The following REDIC1 variants were observed in gnomAD, a reference collection of about 807,000 sequenced individuals.
The protein encoded by REDIC1 is regulator of DNA class I crossover intermediates 1, also known as HEI10 Interacting Protein 1.
At chr12:39,828,414 A>T in the REDIC1 span, among the ~76,000 whole-genome samples, 1 of 152,118 alleles carries the variant, frequency 6.6e-6, no homozygotes, top group Non-Finnish European at 1.5e-5. Flanking sequence ...TAAAAATACA[A>T]ATAAAATGTA....
chr12:39,886,449 A>T, the REDIC1 span, among the ~76,000 whole-genome samples: 1 of 152,156 alleles, frequency 6.6e-6, no homozygotes, highest in Non-Finnish European at 1.5e-5. Context: ...ATGAAGTGTG[A>T]TCTGAAGAAG....
the REDIC1 span, among the ~76,000 whole-genome samples, chr12:39,812,363 TTTTCTTTTCTTTTCTTTTC>T: frequency 2.1e-5 from 3 of 145,634 alleles, no homozygotes; most frequent in South Asian, 2.2e-4. Context: ...TTTTCTTTTC[TTTTCTTTTCTTTTCTTTTC>T]TTTCTTTCTC....
chr12:39,704,797 T>C, the REDIC1 span, among the ~76,000 whole-genome samples: 5 of 152,118 alleles, frequency 3.3e-5, no homozygotes, highest in Admixed American at 3.3e-4. Context: ...TTGGAAATCA[T>C]CATTCTCAGT....
the REDIC1 span, among the ~76,000 whole-genome samples, chr12:39,770,447 T>C: frequency 2.0e-5 from 3 of 152,164 alleles, no homozygotes; most frequent in African/African-American, 7.2e-5. Flanking sequence ...CAAAAGCTTA[T>C]ATAATGAGCA....
the REDIC1 span, among the ~76,000 whole-genome samples, chr12:39,670,836 C>G: frequency 6.6e-6 from 1 of 151,248 alleles, no homozygotes; most frequent in Non-Finnish European, 1.5e-5. Flanking sequence ...TCTATTGATG[C>G]TCCTGATTGT....
chr12:39,893,894 A>C, the REDIC1 span, among the ~76,000 whole-genome samples: 3 of 152,262 alleles, frequency 2.0e-5, no homozygotes, highest in African/African-American at 7.2e-5. Flanking sequence ...AAATTGAAAA[A>C]GTAAATCCAT....
the REDIC1 span, among the ~76,000 whole-genome samples, chr12:39,707,903 G>A: frequency 6.6e-6 from 1 of 151,786 alleles, no homozygotes; most frequent in Non-Finnish European, 1.5e-5. Context: ...AACAAGCCAG[G>A]CACAGAAAGA....
At chr12:39,674,338 C>G in the REDIC1 span, among the ~76,000 whole-genome samples, 1 of 152,140 alleles carries the variant, frequency 6.6e-6, no homozygotes, top group Non-Finnish European at 1.5e-5. Context: ...TCCACTGAGT[C>G]AGATGCTTAA....
the REDIC1 span, among the ~76,000 whole-genome samples, chr12:39,710,989 A>C: frequency 2.0e-5 from 3 of 151,268 alleles, no homozygotes; most frequent in African/African-American, 4.9e-5. Flanking sequence ...CGGTGCACCC[A>C]TCACCCGAGC....
the REDIC1 span, among the ~76,000 whole-genome samples, chr12:39,897,157 G>T: frequency 6.6e-6 from 1 of 152,104 alleles, no homozygotes; most frequent in African/African-American, 2.4e-5. Flanking sequence ...GATTTATTCT[G>T]CCTTCTGGTT....
At chr12:39,813,951 C>T in the REDIC1 span, among the ~76,000 whole-genome samples, 21 of 152,286 alleles carry the variant, frequency 1.4e-4, no homozygotes, top group South Asian at 2.7e-3. Flanking sequence ...CTCCACATTT[C>T]GAAAGTTTCA....
At chr12:39,660,175 G>GC in the REDIC1 span, among the ~76,000 whole-genome samples, 1 of 152,122 alleles carries the variant, frequency 6.6e-6, no homozygotes, top group African/African-American at 2.4e-5. Context: ...ACATGCATGT[G>GC]CCGGTTAGTA....
chr12:39,691,651 C>T, the REDIC1 span, among the ~76,000 whole-genome samples: 7 of 152,054 alleles, frequency 4.6e-5, no homozygotes, highest in Non-Finnish European at 1.0e-4. Flanking sequence ...GAAAGTTATA[C>T]CTCTAAGAGC....
At chr12:39,745,049 GAC>G in the REDIC1 span, among the ~76,000 whole-genome samples, 1 of 152,140 alleles carries the variant, frequency 6.6e-6, no homozygotes, top group Non-Finnish European at 1.5e-5. Context: ...ATTAATTTCA[GAC>G]AGAGTAGACT....
chr12:39,705,671 C>G, the REDIC1 span, among the ~76,000 whole-genome samples: 1 of 151,982 alleles, frequency 6.6e-6, no homozygotes, highest in African/African-American at 2.4e-5. Flanking sequence ...ACAAATCAAT[C>G]AGTGTGATAC....
At chr12:39,670,361 T>C in the REDIC1 span, among the ~76,000 whole-genome samples, 1 of 152,120 alleles carries the variant, frequency 6.6e-6, no homozygotes, top group Non-Finnish European at 1.5e-5. Flanking sequence ...CAGCTAATTT[T>C]TGTATTTTTA....
At chr12:39,690,927 G>A in the REDIC1 span, among the ~76,000 whole-genome samples, 6 of 152,120 alleles carry the variant, frequency 3.9e-5, no homozygotes, top group Non-Finnish European at 5.9e-5. Flanking sequence ...CAGGCCTGCC[G>A]TGGGGTCTAC....
At chr12:39,749,441 C>CA in the REDIC1 span, among the ~76,000 whole-genome samples, 1 of 151,856 alleles carries the variant, frequency 6.6e-6, no homozygotes, top group African/African-American at 2.4e-5. Flanking sequence ...GCCTACCAAC[C>CA]AAAAAAATTC....
the REDIC1 span, among the ~76,000 whole-genome samples, chr12:39,680,384 A>C: frequency 5.3e-5 from 8 of 152,202 alleles, no homozygotes; most frequent in Non-Finnish European, 1.0e-4. Context: ...AATGCTCAAC[A>C]TCACTAAAGA....
Sources: allele counts gnomAD v4.1 joint callset (sites outside exome capture counted in the v4.1 genomes callset), GRCh38; gene constraint gnomAD v4.1.1; transcripts MANE v1.5; gene names NCBI Gene and HGNC (gene_info 2026-07-23, HGNC 2026-07-21).